Variants in CD86 observed in about 807,000 individuals in gnomAD.
The protein encoded by CD86 is T-lymphocyte activation antigen CD86.
CD86 carries 11 observed loss-of-function variants against 32.1 expected under a neutral mutation model. That is an observed-to-expected ratio of 0.34 (90% CI 0.22 to 0.57). The LOEUF (loss-of-function observed/expected upper bound fraction) is 0.57, where lower values mean the gene tolerates loss of function less well. CD86 is among the 20% of genes least tolerant of loss of function. The pLI, the probability that CD86 is intolerant of heterozygous loss-of-function variation, is 0.86. For missense variants in CD86, 359 were observed against 398.4 expected (o/e 0.90, Z 0.84); for synonymous variants, 137 against 135.3 (o/e 1.01, Z -0.09).
chr3:122,097,551 T>A (rs2072926767), intron 2 of CD86, among the ~76,000 whole-genome samples: 1 of 152,168 alleles, frequency 6.6e-6, no homozygotes, highest in Admixed American at 6.5e-5. Context: ...GGTCAGGTAA[T>A]CAGTGCAGAC....
chr3:122,077,828 T>C, intron 1 of CD86: 17 of 985,484 alleles, frequency 1.7e-5, no homozygotes, highest in Non-Finnish European at 1.9e-5. Flanking sequence ...CTGGCTGTGG[T>C]GTTGTTTCTC....
chr3:122,066,034 G>GA, intron 1 of CD86, among the ~76,000 whole-genome samples: 1 of 152,016 alleles, frequency 6.6e-6, no homozygotes, highest in East Asian at 1.9e-4. Flanking sequence ...GGAAAAGTTA[G>GA]AAAAAAAGAA....
chr3:122,080,367 T>C (rs1415244619), intron 1 of CD86, among the ~76,000 whole-genome samples: 1 of 152,194 alleles, frequency 6.6e-6, no homozygotes, highest in Non-Finnish European at 1.5e-5. Flanking sequence ...GTTTCGATTC[T>C]AGATACAACT....
chr3:122,087,201 C>G (rs111943850), intron 1 of CD86, among the ~76,000 whole-genome samples: 6,500 of 152,206 alleles, frequency 0.043, 190 homozygotes, highest in South Asian at 0.073. Flanking sequence ...CATGGAGGCT[C>G]CTCTTTTTAG....
At chr3:122,092,078 T>G (rs939773740) in intron 2 of CD86, 2 of 158,804 alleles carry the variant, frequency 1.3e-5, no homozygotes, top group Admixed American at 1.2e-4. Flanking sequence ...ATTCCAAAAG[T>G]CTCCCTTCAT....
At position 122,119,681 on chromosome 3, in the gene CD86, C is replaced by A. The variant is rs1275008984; in HGVS notation, c.*147C>A. 4 of 610,310 alleles carry A rather than the reference C, an allele frequency of 6.6e-6. No individual in the cohort carries two copies. Among genetic ancestry groups the A allele is most frequent in the African/African-American group, 3.7e-5 (2 of 53,668 alleles). The allele number at this position is 610,310 out of a possible 1,614,324, so 37.8% of individuals were successfully genotyped here. ...CCAGGACTCCCTCTAAGTGGAATAG[C>A]CTCCCTGTAACTCCAGCTCTGCTCC... On this transcript the variant is annotated 3_prime_UTR_variant, in exon 7 of 7. Transcript: ENST00000330540.
At chr3:122,076,774 C>T (rs1352734844) in intron 1 of CD86, among the ~76,000 whole-genome samples, 3 of 152,240 alleles carry the variant, frequency 2.0e-5, no homozygotes, top group African/African-American at 7.2e-5. Context: ...TACTCTGCCA[C>T]ATGATTTACA....
intron 1 of CD86, among the ~76,000 whole-genome samples, chr3:122,064,805 AG>A (rs1300738791): frequency 1.3e-5 from 2 of 152,186 alleles, no homozygotes; most frequent in Non-Finnish European, 2.9e-5. Flanking sequence ...GGAATATTTT[AG>A]GACTATTATA....
At chr3:122,091,556 T>C in intron 1 of CD86, 45 bp from the exon 2 acceptor site, 1 of 1,473,622 alleles carries the variant, frequency 6.8e-7, no homozygotes, top group South Asian at 1.2e-5. Context: ...CGGTTTTCAG[T>C]TTCCTTTTCT....
intron 1 of CD86, among the ~76,000 whole-genome samples, chr3:122,080,199 A>G (rs2072611854): frequency 6.6e-6 from 1 of 152,160 alleles, no homozygotes; most frequent in Non-Finnish European, 1.5e-5. Flanking sequence ...GAGTTCTATG[A>G]GCCTCATACC....
intron 1 of CD86, among the ~76,000 whole-genome samples, chr3:122,062,317 T>A (rs1005468402): frequency 3.3e-5 from 5 of 152,142 alleles, no homozygotes; most frequent in African/African-American, 1.2e-4. Context: ...GTCAACAATA[T>A]CAAGAGTCTT....
chr3:122,120,637 T>A lies in CD86; in HGVS notation c.*1103T>A, dbSNP rs1429572250. 1.3e-5 allele frequency: 2 copies of A among 152,336 alleles called. No individual in the cohort carries two copies. The highest frequency in any genetic ancestry group is 2.9e-5 in the Non-Finnish European group (2 of 68,078). The allele number at this position is 152,336 out of a possible 1,614,324, so 9.4% of individuals were successfully genotyped here. On this transcript the variant is annotated 3_prime_UTR_variant, in exon 7 of 7. Coordinates refer to ENST00000330540, the MANE Select transcript of CD86 (RefSeq NM_175862.5). ...GAGAGCCATCACCTTGATAATGGGA[T>A]GAATGGAAGGAGGCTTAGGACTTTC...
chr3:122,072,500 A>G (rs1217474096), intron 1 of CD86, among the ~76,000 whole-genome samples: 5 of 152,000 alleles, frequency 3.3e-5, no homozygotes, highest in Non-Finnish European at 5.9e-5. Context: ...GCATTTTTTC[A>G]TGTGTCTTTT....
At chr3:122,087,285 A>T (rs2072739456) in intron 1 of CD86, among the ~76,000 whole-genome samples, 1 of 152,166 alleles carries the variant, frequency 6.6e-6, no homozygotes, top group South Asian at 2.1e-4. Flanking sequence ...CCTCTCAGAG[A>T]ATCCCCCCGG....
intron 6 of CD86, among the ~76,000 whole-genome samples, 170 bp downstream of exon 6, chr3:122,118,263 G>C (rs1264244107): frequency 6.6e-6 from 1 of 152,154 alleles, no homozygotes; most frequent in African/African-American, 2.4e-5. Context: ...ACCTGATAAT[G>C]GATGACAGGG....
intron 5 of CD86, among the ~76,000 whole-genome samples, chr3:122,111,253 T>A (rs2107546281): frequency 6.6e-6 from 1 of 152,318 alleles, no homozygotes; most frequent in South Asian, 2.1e-4. Flanking sequence ...ATTATAGATA[T>A]GATATATTTG....
intron 1 of CD86, among the ~76,000 whole-genome samples, chr3:122,082,878 C>A (rs1017059371): frequency 6.6e-6 from 1 of 152,172 alleles, no homozygotes; most frequent in African/African-American, 2.4e-5. Flanking sequence ...TTACTAAATA[C>A]ATAAAAGTGA....
chr3:122,117,343 T>C (rs928379189), intron 5 of CD86, among the ~76,000 whole-genome samples: 3 of 152,196 alleles, frequency 2.0e-5, no homozygotes, highest in Admixed American at 6.5e-5. Context: ...ACAGGAAGTG[T>C]TCAAGAATGC....
intron 1 of CD86, among the ~76,000 whole-genome samples, chr3:122,074,429 C>T (rs1429458555): frequency 6.6e-6 from 1 of 152,188 alleles, no homozygotes; most frequent in Admixed American, 6.5e-5. Flanking sequence ...ATCAAGAAAG[C>T]TTAGAAAACA....
Sources: allele counts gnomAD v4.1 joint callset (sites outside exome capture counted in the v4.1 genomes callset), GRCh38; gene constraint gnomAD v4.1.1; transcripts MANE v1.5; gene names NCBI Gene and HGNC (gene_info 2026-07-23, HGNC 2026-07-21).